PCDHGB5: variants seen among roughly 807,000 people sequenced by gnomAD.
The protein encoded by PCDHGB5 is protocadherin gamma-B5.
A neutral mutation model predicts 62.9 loss-of-function variants in PCDHGB5; 48 were observed. The ratio of observed to expected loss-of-function variants is 0.76; its 90% CI spans 0.61 to 0.97. PCDHGB5 has a LOEUF of 0.97. PCDHGB5 is among the 50% of genes least tolerant of loss of function. PCDHGB5 has a pLI of 0.00. For synonymous variants in PCDHGB5, 474 were observed against 511.2 expected (o/e 0.93, Z 0.98); for missense variants, 1,118 against 1,198.6 (o/e 0.93, Z 0.99).
intron 2 of PCDHGB5, among the ~76,000 whole-genome samples, chr5:141,503,614 A>G (rs1595875970): frequency 6.6e-6 from 1 of 151,640 alleles, no homozygotes; most frequent in South Asian, 2.1e-4. Flanking sequence ...AAAAAAAAAA[A>G]GAAAAAAGAA....
At chr5:141,479,206 T>C (rs987807222) in intron 1 of PCDHGB5, 3 of 152,400 alleles carry the variant, frequency 2.0e-5, no homozygotes, top group African/African-American at 7.2e-5. Context: ...CAGAAAAGTA[T>C]TTAAAAAATT....
chr5:141,508,507 TGGTCCAGCCCAACCTCAG>T (rs1377043623), intron 3 of PCDHGB5, among the ~76,000 whole-genome samples: 1 of 152,178 alleles, frequency 6.6e-6, no homozygotes, highest in Non-Finnish European at 1.5e-5. Flanking sequence ...CTCTCCCTCC[TGGTCCAGCCCAACCTCAG>T]GGCACCCCCC....
In PCDHGB5 at chr5:141,494,850, G is replaced by C. The variant is rs2099757124; in HGVS notation, c.2441G>C (p.Arg814Thr). 1.2e-6 allele frequency: 2 copies of C among 1,614,124 alleles called. No individual in the cohort carries two copies. The highest frequency in any genetic ancestry group is 1.7e-6 in the Non-Finnish European group (2 of 1,180,018). Reference protein sequence around the residue: ...NTDWRFSQAQRPGTSGSQNGD... With the variant: ...NTDWRFSQAQTPGTSGSQNGD... ...GACTGGCGTTTCTCTCAGGCCCAGA[G>C]ACCCGGCACCAGCGGGTAGGTGACT... is the stretch of plus-strand genomic sequence containing the variant. The change falls in exon 2 of 4, where the codon AGA becomes ACA. Residue 814 changes from arginine to threonine, a missense_variant. Physicochemically the swap from Arg to Thr is moderately conservative, Grantham distance 71. This residue lies in a region of PCDHGB5 where 1,034 missense variants were observed against 1,029.1 expected (regional missense o/e 1.00). Transcript: ENST00000617380.
intron 1 of PCDHGB5, among the ~76,000 whole-genome samples, chr5:141,484,740 GA>G (rs1047805396): frequency 6.6e-6 from 1 of 150,760 alleles, no homozygotes; most frequent in Non-Finnish European, 1.5e-5. Context: ...GGTGTGTTAG[GA>G]AAAAAAATGT....
At chr5:141,422,847 C>T (rs1271794821) in intron 1 of PCDHGB5, 2 of 1,614,116 alleles carry the variant, frequency 1.2e-6, no homozygotes, top group Non-Finnish European at 1.7e-6. Context: ...ACAGCGGGGA[C>T]CCGCCCCTCA....
chr5:141,458,249 GCT>G (rs1291613361), intron 1 of PCDHGB5, among the ~76,000 whole-genome samples: 1 of 152,136 alleles, frequency 6.6e-6, no homozygotes, highest in African/African-American at 2.4e-5. Flanking sequence ...AAATGATACG[GCT>G]CTGATGAGTG....
rs2097403311 is a variant in PCDHGB5 at position 141,431,640 on chromosome 5, T to C, written c.2397+31116T>C. 6.2e-7 allele frequency: 1 copy of C among 1,614,094 alleles called. No individual in the cohort carries two copies. The highest frequency in any genetic ancestry group is 8.5e-7 in the Non-Finnish European group (1 of 1,180,040). On this transcript the variant is annotated intron_variant, in intron 1 of 3. Coordinates refer to ENST00000617380, the MANE Select transcript of PCDHGB5 (RefSeq NM_018925.3). This position sits in a 1 kb window ranked among gnomAD's most constrained non-coding sequence, Gnocchi z 4.8. ...GACAAGGCGGCCCAAGTTTTCAAACTAGATTGTAATTCAGGGACAATATCA... is the reference window on the plus strand; with the variant it reads ...GACAAGGCGGCCCAAGTTTTCAAACCAGATTGTAATTCAGGGACAATATCA...
chr5:141,454,076 T>A (rs190918056), intron 1 of PCDHGB5, among the ~76,000 whole-genome samples: 2 of 152,352 alleles, frequency 1.3e-5, no homozygotes, highest in East Asian at 3.8e-4. Flanking sequence ...TGATAATGTT[T>A]TCAGTGAAAT....
At position 141,410,454 on chromosome 5, in the gene PCDHGB5, C is replaced by T. The variant is rs199849689; in HGVS notation, c.2397+9930C>T. 5,103 of 1,614,034 alleles carry T rather than the reference C, an allele frequency of 3.2e-3. 16 individuals are homozygous for T. Among genetic ancestry groups the T allele is most frequent in the Non-Finnish European group, 4.0e-3 (4,661 of 1,179,898 alleles). On this transcript the variant is annotated intron_variant, in intron 1 of 3. Transcript: ENST00000617380. ...TACAGTGAGGGGACTTTGCCTTATT[C>T]TTATAATCTGTGCATTGCACATACG... is the stretch of plus-strand genomic sequence containing the variant.
At chr5:141,454,977 T>C (rs1357011192) in intron 1 of PCDHGB5, among the ~76,000 whole-genome samples, 6 of 151,508 alleles carry the variant, frequency 4.0e-5, no homozygotes, top group Non-Finnish European at 8.8e-5. Context: ...CTGGCTAATT[T>C]TTTAAAAAAT....
rs1269660369 is a variant in PCDHGB5 at position 141,408,454 on chromosome 5, A to T, written c.2397+7930A>T. On this transcript the variant is annotated intron_variant, in intron 1 of 3. Transcript: ENST00000617380. ...GCGTAGACGCGGAGAGCGGGGACTT[A>T]CTTGTGAAGAACCGAATAGACCGTG... The T allele has an allele frequency of 4.3e-6, 7 of 1,613,934 alleles. No homozygotes were observed. The African/African-American group carries it at 9.3e-5, about 22-fold the overall frequency.
In PCDHGB5 at chr5:141,431,620, G is replaced by T; in HGVS notation, c.2397+31096G>T. 6.2e-7 allele frequency: 1 copy of T among 1,614,232 alleles called. No individual in the cohort carries two copies. The highest frequency in any genetic ancestry group is 8.5e-7 in the Non-Finnish European group (1 of 1,180,050). Reference sequence around the variant, plus strand: ...ATTCCTTCCGGTATGTGGACGACAAGGCGGCCCAAGTTTTCAAACTAGATT... The same window carrying T: ...ATTCCTTCCGGTATGTGGACGACAATGCGGCCCAAGTTTTCAAACTAGATT... On this transcript the variant is annotated intron_variant, in intron 1 of 3. Transcript: ENST00000617380. The surrounding 1 kb of genome is among the most constrained non-coding windows in gnomAD (Gnocchi z 4.8).
intron 1 of PCDHGB5, chr5:141,422,542 G>T (rs368252552): frequency 1.2e-5 from 19 of 1,613,878 alleles, no homozygotes; most frequent in Admixed American, 1.7e-5. Context: ...AGAAACTCAT[G>T]TCTGGCTGAA....
In PCDHGB5 at chr5:141,491,723, G is replaced by A. The variant is rs764792125; in HGVS notation, c.2398-3084G>A. The A allele has an allele frequency of 1.7e-5, 27 of 1,606,770 alleles. No individual in the cohort carries two copies. In the African/African-American group the frequency reaches 3.2e-4, roughly 19 times the overall value. On this transcript the variant is annotated intron_variant, in intron 1 of 3. Coordinates refer to ENST00000617380, the MANE Select transcript of PCDHGB5 (RefSeq NM_018925.3). The surrounding 1 kb of genome is among the most constrained non-coding windows in gnomAD (Gnocchi z 6.9). The stretch of plus-strand genomic sequence containing the variant: ...CAGGTGAGGGGCTCGGCGCCGCCCC[G>A]GGCGACCCCTGGGGGCGGCACTGGA...
chr5:141,489,088 G>GCCAA lies in PCDHGB5; in HGVS notation c.2398-5719_2398-5718insCCAA. The GCCAA allele has an allele frequency of 2.9e-6, 1 of 347,240 alleles. No individual in the cohort carries two copies. Among genetic ancestry groups the GCCAA allele is most frequent in the Non-Finnish European group, 5.0e-6 (1 of 200,708 alleles). The allele number at this position is 347,240 out of a possible 1,614,324, so 21.5% of individuals were successfully genotyped here. A position where few individuals can be genotyped will look rare whatever the true frequency, so the allele number is the denominator to read the frequency against. ...CCCCTGCCCACCCCCGCCACTCGGT[G>GCCAA]ACTAAGAACTGCTGCAAGCAGGCAA... On this transcript the variant is annotated intron_variant, in intron 1 of 3. Transcript: ENST00000617380. This position sits in a 1 kb window ranked among gnomAD's most constrained non-coding sequence, Gnocchi z 4.5.
intron 1 of PCDHGB5, chr5:141,404,679 A>G: frequency 6.2e-7 from 1 of 1,614,096 alleles, no homozygotes; most frequent in Admixed American, 1.7e-5. Flanking sequence ...ACTGGTGTGG[A>G]GCTGGCACCC....
intron 1 of PCDHGB5, among the ~76,000 whole-genome samples, chr5:141,456,023 G>A (rs937523861): frequency 1.3e-5 from 2 of 151,586 alleles, no homozygotes; most frequent in South Asian, 2.1e-4. Context: ...TCAGCCTCCC[G>A]AGTAGCTGGG....
chr5:141,398,525 T>A lies in PCDHGB5; in HGVS notation c.398T>A (p.Phe133Tyr). The A allele has an allele frequency of 6.2e-7, 1 of 1,613,440 alleles. No individual in the cohort carries two copies. Among genetic ancestry groups the A allele is most frequent in the Non-Finnish European group, 8.5e-7 (1 of 1,179,766 alleles). Reference protein sequence around the residue: ...IEDINDHTPKFTQNSFELQIS... With the variant: ...IEDINDHTPKYTQNSFELQIS... ...GACATTAATGACCACACGCCAAAAT[T>A]CACGCAAAATTCCTTTGAGCTGCAA... Residue 133 changes from phenylalanine (F) to tyrosine (Y), a missense_variant, in exon 1 of 4, where the codon TTC becomes TAC. Physicochemically the swap from Phe to Tyr is conservative, Grantham distance 22. Around this residue, in one of 2 missense-constraint regions of PCDHGB5, gnomAD observed 1,034 missense variants for 1,029.1 expected, o/e 1.00. Coordinates refer to ENST00000617380, the MANE Select transcript of PCDHGB5 (RefSeq NM_018925.3).
At chr5:141,404,694 C>A in intron 1 of PCDHGB5, 5 of 1,614,116 alleles carry the variant, frequency 3.1e-6, no homozygotes, top group Non-Finnish European at 4.2e-6. Context: ...GCACCCCGCT[C>A]TGCAGAGCCT....
Sources: gnomAD v4.1 joint callset for allele counts (sites outside exome capture counted in the v4.1 genomes callset) on GRCh38, gnomAD v4.1.1 for gene constraint, gnomAD v4.1.1 regional missense constraint, Gnocchi (gnomAD v3.1) non-coding constraint, MANE v1.5 for transcripts, NCBI Gene and HGNC (gene_info 2026-07-23, HGNC 2026-07-21) for gene names.